Variants in SLC1A7 observed in about 807,000 individuals in gnomAD.
The protein encoded by SLC1A7 is solute carrier family 1 member 7, also known as excitatory amino acid transporter 5.
In SLC1A7, 40 loss-of-function variants were observed where a neutral mutation model predicts 47.7. The observed-to-expected ratio is 0.84, with a 90% CI of 0.65 to 1.09. The LOEUF (loss-of-function observed/expected upper bound fraction) is 1.09, where lower values mean the gene tolerates loss of function less well. SLC1A7 is among the 50% of genes least tolerant of loss of function. SLC1A7 has a pLI of 0.00. For missense variants in SLC1A7, 746 were observed against 769.5 expected, an observed-to-expected ratio of 0.97 and a Z score of 0.36; for synonymous variants, 323 against 325.6, an observed-to-expected ratio of 0.99 and a Z score of 0.09.
intron 5 of SLC1A7, among the ~76,000 whole-genome samples, chr1:53,098,322 G>A (rs999311360): frequency 7.8e-5 from 10 of 128,002 alleles, no homozygotes; most frequent in East Asian, 2.5e-4. Context: ...CACTCCACTC[G>A]TACCAAAACC....
chr1:53,140,568 G>A (rs1319644875), intron 1 of SLC1A7, among the ~76,000 whole-genome samples: 2 of 152,176 alleles, frequency 1.3e-5, no homozygotes, highest in East Asian at 1.9e-4. Context: ...CAGCAGCGGG[G>A]TTACAGTTAC....
chr1:53,103,927 T>C (rs1335329776), intron 4 of SLC1A7, among the ~76,000 whole-genome samples: 1 of 152,124 alleles, frequency 6.6e-6, no homozygotes, highest in Non-Finnish European at 1.5e-5. Flanking sequence ...CCAGTATCCA[T>C]CCACCTGGTG....
chr1:53,099,168 A>ACC (rs1644538312), intron 5 of SLC1A7, among the ~76,000 whole-genome samples: 1 of 56,790 alleles, frequency 1.8e-5, no homozygotes, highest in Admixed American at 1.7e-4. Context: ...ACACTCACAG[A>ACC]GTCTTGGTAC....
intron 4 of SLC1A7, among the ~76,000 whole-genome samples, chr1:53,104,735 T>G (rs1365885721): frequency 6.6e-6 from 1 of 152,208 alleles, no homozygotes; most frequent in Admixed American, 6.5e-5. Context: ...CCTCAGCCAC[T>G]TCCTTTGTGT....
chr1:53,096,879 C>T (rs1311050119), intron 5 of SLC1A7, among the ~76,000 whole-genome samples: 1 of 149,784 alleles, frequency 6.7e-6, no homozygotes, highest in Middle Eastern at 3.4e-3. Context: ...CCTCGATACA[C>T]TCACACGACC....
chr1:53,093,478 G>A lies in SLC1A7; in HGVS notation c.780C>T (p.Ile260=), dbSNP rs375544818. Residue 260 remains isoleucine (I), a synonymous_variant, in exon 6 of 11, where the codon ATC becomes ATT. Coordinates refer to ENST00000371494, the MANE Select transcript of SLC1A7 (RefSeq NM_006671.6). ...AGGCTTACCACACAGCCACCGCCAC[G>A]ATCTTCATGACCGACTCATTGAGGC... is the stretch of plus-strand genomic sequence containing the variant. The part of the protein sequence containing the change: ...CQCLNESVMK[I]VAVAVWYFPF... The A allele has an allele frequency of 1.1e-5, 17 of 1,610,778 alleles. No homozygotes were observed. Among genetic ancestry groups the A allele is most frequent in the East Asian group, 4.5e-5 (2 of 44,830 alleles).
chr1:53,090,047 C>CG (rs1572290731), intron 8 of SLC1A7, 113 bp from the exon 9 acceptor site: 11 of 1,152,692 alleles, frequency 9.5e-6, no homozygotes, highest in Non-Finnish European at 1.3e-5. Flanking sequence ...CCATTTGGTG[C>CG]GGGGGGTGGG....
At chr1:53,134,519 C>T (rs1018590825) in intron 1 of SLC1A7, 90 bp from the exon 2 acceptor site, 5 of 770,876 alleles carry the variant, frequency 6.5e-6, no homozygotes, top group Non-Finnish European at 1.1e-5. Context: ...ACTATCCCAT[C>T]TGACTCCCCT....
At position 53,114,746 on chromosome 1, in the gene SLC1A7, G is replaced by A. The variant is rs1644737583; in HGVS notation, c.431+12C>T. The A allele has an allele frequency of 6.2e-7, 1 of 1,610,876 alleles. No individual in the cohort carries two copies. Among genetic ancestry groups the A allele is most frequent in the African/African-American group, 1.3e-5 (1 of 74,868 alleles). On this transcript the variant is annotated intron_variant, in intron 3 of 10. Transcript: ENST00000371494. ...TGGCGTTCCCAAGCGGGGTGTGGGTGGCAATAGTTACCGGATGAGGTCCAA... is the reference window on the plus strand; with the variant it reads ...TGGCGTTCCCAAGCGGGGTGTGGGTAGCAATAGTTACCGGATGAGGTCCAA...
At chr1:53,116,940 G>C (rs550790844) in intron 2 of SLC1A7, among the ~76,000 whole-genome samples, 1 of 152,352 alleles carries the variant, frequency 6.6e-6, no homozygotes, top group East Asian at 1.9e-4. Context: ...CCAGGGAATG[G>C]GGAGGGAGAA....
At chr1:53,118,016 A>G (rs1288385) in intron 2 of SLC1A7, among the ~76,000 whole-genome samples, 150,151 of 152,372 alleles carry the variant, frequency 0.99, 74,021 homozygotes, top group Middle Eastern at 1. Flanking sequence ...AGCTGGCAGC[A>G]CAGGCCAGCC....
intron 4 of SLC1A7, among the ~76,000 whole-genome samples, chr1:53,105,195 T>C (rs899556561): frequency 2.6e-5 from 4 of 152,254 alleles, no homozygotes; most frequent in African/African-American, 9.6e-5. Flanking sequence ...AGATGATTTT[T>C]GTTTTCTACT....
chr1:53,095,670 T>A (rs1644478698), intron 5 of SLC1A7, among the ~76,000 whole-genome samples: 1 of 140,260 alleles, frequency 7.1e-6, no homozygotes, highest in African/African-American at 2.8e-5. Flanking sequence ...CTAGGTACAC[T>A]CACACACCCC....
chr1:53,115,057 A>G (rs150694980), intron 2 of SLC1A7, 84 bp from the exon 3 acceptor site: 10 of 1,034,970 alleles, frequency 9.7e-6, no homozygotes, highest in Non-Finnish European at 1.5e-5. Context: ...CCTCCTGGCC[A>G]TGTCCAGCTG....
chr1:53,120,945 T>C (rs929826229), intron 2 of SLC1A7, among the ~76,000 whole-genome samples: 1 of 152,252 alleles, frequency 6.6e-6, no homozygotes, highest in African/African-American at 2.4e-5. Flanking sequence ...CTGCGAGCCC[T>C]TGGGCATGTG....
At chr1:53,140,878 G>A (rs986915664) in intron 1 of SLC1A7, among the ~76,000 whole-genome samples, 6 of 152,190 alleles carry the variant, frequency 3.9e-5, no homozygotes, top group Admixed American at 1.3e-4. Flanking sequence ...ATAACTGCTC[G>A]AGGCTTAACA....
At chr1:53,109,213 A>C (rs1443092810) in intron 3 of SLC1A7, among the ~76,000 whole-genome samples, 2 of 151,858 alleles carry the variant, frequency 1.3e-5, no homozygotes, top group Non-Finnish European at 2.9e-5. Flanking sequence ...ACATGTCCCC[A>C]AACCAAGCCC....
In SLC1A7 at chr1:53,094,390, TGAGTGG is replaced by T. The variant is rs1644460474; in HGVS notation, c.698-836_698-831del. Among the ~76,000 whole-genome samples the T allele has an allele frequency of 2.5e-4, 38 of 152,318 alleles. No individual in the cohort carries two copies. The South Asian group carries it at 7.9e-3, about 32-fold the overall frequency. On this transcript the variant is annotated intron_variant, in intron 5 of 10. Transcript: ENST00000371494. ...GTCAGGCCAGTCCTGAAACAGGGAC[TGAGTGG>T]CTGCCCTACCTCCTGGTGAGACCGA...
intron 3 of SLC1A7, among the ~76,000 whole-genome samples, chr1:53,113,404 C>T (rs1644720596): frequency 6.6e-6 from 1 of 152,094 alleles, no homozygotes; most frequent in African/African-American, 2.4e-5. Flanking sequence ...GGCCAACCAT[C>T]AGTTGACACC....
Sources: allele counts gnomAD v4.1 joint callset (sites outside exome capture counted in the v4.1 genomes callset), GRCh38; gene constraint gnomAD v4.1.1; transcripts MANE v1.5; gene names NCBI Gene and HGNC (gene_info 2026-07-23, HGNC 2026-07-21).